SLC24A1: variants seen among roughly 807,000 people sequenced by gnomAD.
The protein encoded by SLC24A1 is sodium/potassium/calcium exchanger 1.
Under a neutral mutation model 88.1 loss-of-function variants are expected in SLC24A1, and 52 were observed. The ratio of observed to expected loss-of-function variants is 0.59; its 90% confidence interval spans 0.47 to 0.74. The LOEUF (loss-of-function observed/expected upper bound fraction) is 0.74, where lower values mean the gene tolerates loss of function less well. Among genes scored for constraint, SLC24A1 ranks in the 30% least tolerant of loss-of-function variants. The probability of loss-of-function intolerance (pLI) is 0.00; values close to 1 mark genes in which losing one functional copy is unlikely to be tolerated. For synonymous variants in SLC24A1, 455 were observed against 498.0 expected, an observed-to-expected ratio of 0.91 and a Z score of 1.15; for missense variants, 1,173 against 1,363.3, an observed-to-expected ratio of 0.86 and a Z score of 2.20.
rs794727276 is a variant in SLC24A1 at position 65,624,966 on chromosome 15, T to C, written c.886T>C (p.Trp296Arg). The C allele has an allele frequency of 5.0e-6, 8 of 1,608,440 alleles. No individual in the cohort carries two copies. The highest frequency in any genetic ancestry group is 2.7e-5 in the African/African-American group (2 of 74,488). The change falls in exon 2 of 10, where the codon TGG (tryptophan) becomes CGG (arginine). Residue 296 changes from tryptophan to arginine, a missense_variant. Physicochemically the swap from Trp to Arg is moderately radical, Grantham distance 101. Coordinates refer to ENST00000261892, the MANE Select transcript of SLC24A1 (RefSeq NM_004727.3). The stretch of plus-strand genomic sequence containing the variant: ...GGAAAGTAACAGCTCAGCCCATCCC[T>C]GGGGGTTAGTGGGAAAGAGCAACCC... The part of the protein sequence containing the change: ...RVESNSSAHP[W>R]GLVGKSNPKT...
At chr15:65,645,744 T>G in intron 6 of SLC24A1, 41 bp downstream of exon 6, 2 of 1,415,618 alleles carry the variant, frequency 1.4e-6, no homozygotes, top group Non-Finnish European at 1.9e-6. Flanking sequence ...TGGAGAGGTC[T>G]AGGGAAGGAA....
At position 65,644,516 on chromosome 15, in the gene SLC24A1, G is replaced by A; in HGVS notation, c.2140+3G>A. On this transcript the variant is annotated splice_donor_region_variant and intron_variant, in intron 5 of 9. Transcript: ENST00000261892. ...CAAAGCAGAAAGCAAACCAGAAGGT[G>A]AGAGGATGGCCAGACCAGTGGGTTT... 6.4e-7 allele frequency: 1 copy of A among 1,573,334 alleles called. No individual in the cohort carries two copies. Among genetic ancestry groups the A allele is most frequent in the Non-Finnish European group, 8.6e-7 (1 of 1,158,456 alleles).
intron 5 of SLC24A1, 42 bp from the exon 6 acceptor site, chr15:65,645,570 C>T: frequency 6.9e-7 from 1 of 1,450,886 alleles, no homozygotes. Flanking sequence ...CCTTCAGAAC[C>T]TTGTCCACTC....
intron 6 of SLC24A1, among the ~76,000 whole-genome samples, chr15:65,646,890 C>T (rs941970654): frequency 2.6e-5 from 4 of 152,144 alleles, no homozygotes; most frequent in African/African-American, 9.7e-5. Flanking sequence ...ACCGCTAGCT[C>T]AAGTAAAAAG....
At chr15:65,652,532 G>T in intron 8 of SLC24A1, 110 bp from the exon 9 acceptor site, 3 of 920,538 alleles carry the variant, frequency 3.3e-6, no homozygotes, top group Non-Finnish European at 5.0e-6. Context: ...AGGCTGAGGG[G>T]GTGTGGCTGA....
chr15:65,623,104 A>G (rs2074376854), intron 1 of SLC24A1, among the ~76,000 whole-genome samples: 1 of 152,184 alleles, frequency 6.6e-6, no homozygotes, highest in Admixed American at 6.5e-5. Context: ...TATTATTCAT[A>G]TTCTAATTTA....
rs2074493350 is a variant in SLC24A1, at chr15:65,625,802, C to T, written c.1722C>T (p.Leu574=). The T allele has an allele frequency of 1.9e-6, 3 of 1,613,946 alleles. No homozygotes were observed. The highest frequency in any genetic ancestry group is 2.5e-6 in the Non-Finnish European group (3 of 1,179,912). The change falls in exon 2 of 10, where the codon CTC becomes CTT. Residue 574 remains leucine (L), a synonymous_variant. Transcript: ENST00000261892. The part of the protein sequence containing the change: ...FYILDLIMLI[L]FFLDSLIAWW... The stretch of plus-strand genomic sequence containing the variant: ...TCCTTGACCTGATAATGCTCATCCT[C>T]TTCTTCCTGGACAGCCTCATTGCCT...
intron 2 of SLC24A1, among the ~76,000 whole-genome samples, chr15:65,626,633 G>A (rs905843024): frequency 1.3e-5 from 2 of 152,174 alleles, no homozygotes; most frequent in South Asian, 4.1e-4. Flanking sequence ...GACACCAGGA[G>A]CACTAATCCT....
Position 65,644,440 on chromosome 15 carries a change from G to A in SLC24A1, c.2067G>A (p.Lys689=). The A allele has an allele frequency of 6.3e-7, 1 of 1,592,572 alleles. No individual in the cohort carries two copies. Residue 689 remains lysine, a synonymous_variant, in exon 5 of 10, where the codon AAG becomes AAA. Transcript: ENST00000261892. ...LDPLREVRLA[K]EKEEESLNQG... The stretch of plus-strand genomic sequence containing the variant: ...TCTCATTTGCAGTTCGCCTTGCCAA[G>A]GAGAAGGAGGAGGAGAGCTTGAATC...
intron 3 of SLC24A1, 54 bp from the exon 4 acceptor site, chr15:65,639,541 G>A (rs2075050867): frequency 1.8e-6 from 2 of 1,132,844 alleles, no homozygotes; most frequent in Admixed American, 2.0e-5. Flanking sequence ...GCCCTCGTGT[G>A]GTTCCTCCCC....
intron 1 of SLC24A1, among the ~76,000 whole-genome samples, chr15:65,622,293 C>T (rs2074345383): frequency 6.6e-6 from 1 of 152,150 alleles, no homozygotes; most frequent in South Asian, 2.1e-4. Context: ...AAATCAGGGA[C>T]AAAGAAGGAA....
chr15:65,620,098 A>G (rs991133920), upstream of SLC24A1, among the ~76,000 whole-genome samples: 4 of 150,164 alleles, frequency 2.7e-5, no homozygotes, highest in Non-Finnish European at 5.9e-5. Context: ...AACTTTATTT[A>G]TAATATTAAT....
At position 65,654,148 on chromosome 15, in the gene SLC24A1, C is replaced by A. The variant is rs2075601417; in HGVS notation, c.*69C>A. On this transcript the variant is annotated 3_prime_UTR_variant, in exon 10 of 10. Transcript: ENST00000261892. The stretch of plus-strand genomic sequence containing the variant: ...GCAGAAGTTACTGTATCTCTTGTGA[C>A]CCTAATGAAAGAATGTATATGATCC... 1.3e-5 allele frequency: 20 copies of A among 1,553,348 alleles called. No individual in the cohort carries two copies. Among genetic ancestry groups the A allele is most frequent in the Non-Finnish European group, 1.6e-5 (18 of 1,151,242 alleles).
chr15:65,631,295 T>C (rs74021154), intron 2 of SLC24A1, among the ~76,000 whole-genome samples: 82 of 152,316 alleles, frequency 5.4e-4, no homozygotes, highest in African/African-American at 1.9e-3. Context: ...CCTGAATTAA[T>C]TGGAAATATG....
intron 9 of SLC24A1, 61 bp downstream of exon 9, chr15:65,652,869 T>G (rs2075552711): frequency 2.2e-6 from 3 of 1,359,052 alleles, no homozygotes; most frequent in Admixed American, 2.1e-5. Flanking sequence ...CTGCATTGGC[T>G]CTGTTCACTG....
chr15:65,650,617 G>A lies in SLC24A1; in HGVS notation c.2468G>A (p.Gly823Asp), dbSNP rs925092260. 2 of 1,551,302 alleles carry A rather than the reference G, an allele frequency of 1.3e-6. No homozygotes were observed. The highest frequency in any genetic ancestry group is 1.7e-6 in the Non-Finnish European group (2 of 1,146,640). Residue 823 changes from glycine (G) to aspartate (D), a missense_variant, in exon 7 of 10, where the codon GGT becomes GAT. Coordinates refer to ENST00000261892, the MANE Select transcript of SLC24A1 (RefSeq NM_004727.3). The surrounding 1 kb of genome is among the most constrained non-coding windows in gnomAD (Gnocchi z 4.1). ...EIHAEDGEMK[G>D]NEGETESQEL... is the part of the protein sequence containing the mutation. The stretch of plus-strand genomic sequence containing the variant: ...CACGCAGAAGATGGTGAAATGAAAG[G>A]TAATGAAGGTGAAACTGAAAGCCAG...
Position 65,650,832 on chromosome 15 carries a change from G to A in SLC24A1, c.2683G>A (p.Glu895Lys). ...GGAAGAGGAGGAGAAGGGAAATGAA[G>A]AGCCTCTGTCCCTGGACTGGCCTGA... The part of the protein sequence containing the change: ...EEEEEEKGNE[E>K]PLSLDWPETR... The change falls in exon 7 of 10, where the codon GAG (glutamate) becomes AAG (lysine). Residue 895 changes from glutamate (E) to lysine (K), a missense_variant. By Grantham distance (56) the Glu-to-Lys change is moderately conservative (BLOSUM62 1). Transcript: ENST00000261892. This position sits in a 1 kb window ranked among gnomAD's most constrained non-coding sequence, Gnocchi z 4.1. 6.2e-7 allele frequency: 1 copy of A among 1,605,358 alleles called. No individual in the cohort carries two copies. Among genetic ancestry groups the A allele is most frequent in the Non-Finnish European group, 8.5e-7 (1 of 1,172,192 alleles).
At chr15:65,623,544 A>G (rs1000271900) in intron 1 of SLC24A1, among the ~76,000 whole-genome samples, 10 of 152,216 alleles carry the variant, frequency 6.6e-5, no homozygotes, top group African/African-American at 1.9e-4. Context: ...GCTTAAAGCC[A>G]TATCTCCCTA....
rs1475429926 is a variant in SLC24A1 at position 65,654,510 on chromosome 15, GC to G, written c.*435del. The G allele has an allele frequency of 2.2e-5, 26 of 1,183,962 alleles. No homozygotes were observed. The highest frequency in any genetic ancestry group is 2.6e-5 in the Non-Finnish European group (25 of 944,146). The allele number at this position is 1,183,962 out of a possible 1,614,324, so 73.3% of individuals were successfully genotyped here. On this transcript the variant is annotated 3_prime_UTR_variant, in exon 10 of 10. Coordinates refer to ENST00000261892, the MANE Select transcript of SLC24A1 (RefSeq NM_004727.3). ...CTACATCTCAGCCTTCCTGACCTCTGCCCCAAACACACGCTGCAATTTTGTC... is the reference window on the plus strand; with the variant it reads ...CTACATCTCAGCCTTCCTGACCTCTGCCCAAACACACGCTGCAATTTTGTC...
Sources: allele counts gnomAD v4.1 joint callset (sites outside exome capture counted in the v4.1 genomes callset), GRCh38; gene constraint gnomAD v4.1.1; non-coding constraint Gnocchi (gnomAD v3.1); transcripts MANE v1.5; gene names NCBI Gene and HGNC (gene_info 2026-07-23, HGNC 2026-07-21).